Variants in CHRM3 observed in about 807,000 individuals in gnomAD.
The protein encoded by CHRM3 is cholinergic receptor muscarinic 3, also known as muscarinic acetylcholine receptor M3.
Under a neutral mutation model 41.8 loss-of-function variants are expected in CHRM3, and 11 were observed. That is an observed-to-expected ratio of 0.26 (90% CI 0.17 to 0.44). The LOEUF (loss-of-function observed/expected upper bound fraction) is 0.44. Among genes scored for constraint, CHRM3 ranks in the 20% least tolerant of loss-of-function variants. The probability of loss-of-function intolerance (pLI) is 1.00; values close to 1 mark genes in which losing one functional copy is unlikely to be tolerated. For synonymous variants in CHRM3, 297 were observed against 301.4 expected (o/e 0.99, Z 0.15); for missense variants, 571 against 745.4 (o/e 0.77, Z 2.72).
rs114107721 is a variant in CHRM3 at position 239,864,796 on chromosome 1, A to G, written c.-20+37418A>G. On this transcript the variant is annotated intron_variant, in intron 6 of 6. Transcript: ENST00000676153. ...TTCTCTACCTATAGAATCGTGTGTA[A>G]ATTAAACTATTTTGAGATATCACTT... 9.8e-3 allele frequency among the ~76,000 whole-genome samples: 1,499 copies of G among 152,214 alleles called. 34 individuals carry two copies. The highest frequency in any genetic ancestry group is 0.035 in the African/African-American group (1,441 of 41,552).
At chr1:239,489,710 CT>C (rs1247556803) in intron 1 of CHRM3, among the ~76,000 whole-genome samples, 1 of 152,098 alleles carries the variant, frequency 6.6e-6, no homozygotes, top group Non-Finnish European at 1.5e-5. Flanking sequence ...CCAAAAATAA[CT>C]TGCAATTAGG....
chr1:239,799,363 C>T (rs1306013397), intron 5 of CHRM3, among the ~76,000 whole-genome samples: 4 of 152,082 alleles, frequency 2.6e-5, no homozygotes, highest in Admixed American at 2.6e-4. Context: ...AGGACCAATG[C>T]ATCATAAATG....
rs187562096 is a variant in CHRM3, at chr1:239,414,335, A to T, written c.-521+27108A>T. ...TGAGTGACACAAATGGCCTACTTAA[A>T]AAAAAGTTGTTAATCTCTTCCTCAG... is the stretch of plus-strand genomic sequence containing the variant. On this transcript the variant is annotated intron_variant, in intron 1 of 6. Transcript: ENST00000676153. Among the ~76,000 whole-genome samples, 5 of 152,276 alleles carry T rather than the reference A, an allele frequency of 3.3e-5. No individual in the cohort carries two copies. The East Asian group carries it at 9.6e-4, about 29-fold the overall frequency.
chr1:239,637,873 A>C, intron 4 of CHRM3, among the ~76,000 whole-genome samples: 1 of 148,096 alleles, frequency 6.8e-6, no homozygotes, highest in Non-Finnish European at 1.5e-5. Flanking sequence ...TTAACTCGTC[A>C]TTTAGCATTA....
intron 6 of CHRM3, among the ~76,000 whole-genome samples, chr1:239,881,692 A>T (rs913956422): frequency 6.6e-6 from 1 of 152,130 alleles, no homozygotes; most frequent in Non-Finnish European, 1.5e-5. Context: ...ATTTAAAGTA[A>T]GTTCTTTGAG....
At chr1:239,770,034 T>C (rs528887578) in intron 5 of CHRM3, among the ~76,000 whole-genome samples, 1 of 152,328 alleles carries the variant, frequency 6.6e-6, no homozygotes, top group Non-Finnish European at 1.5e-5. Context: ...TTACCTCATT[T>C]TCAAGTACTT....
At chr1:239,507,169 G>A (rs1023222395) in intron 2 of CHRM3, among the ~76,000 whole-genome samples, 3 of 152,234 alleles carry the variant, frequency 2.0e-5, no homozygotes, top group South Asian at 2.1e-4. Context: ...GGCATGATTG[G>A]TTTCGAAATG....
At chr1:239,521,753 A>C (rs1351631407) in intron 2 of CHRM3, among the ~76,000 whole-genome samples, 1 of 152,178 alleles carries the variant, frequency 6.6e-6, no homozygotes, top group South Asian at 2.1e-4. Flanking sequence ...AGTATACTAA[A>C]AAAAACCGCA....
At chr1:239,574,336 C>A (rs991197891) in intron 3 of CHRM3, among the ~76,000 whole-genome samples, 1 of 152,062 alleles carries the variant, frequency 6.6e-6, no homozygotes, top group Non-Finnish European at 1.5e-5. Flanking sequence ...TCCTCTCCTT[C>A]TTTCTGTCTT....
intron 5 of CHRM3, among the ~76,000 whole-genome samples, chr1:239,797,258 CTGTT>C (rs1436944293): frequency 6.6e-6 from 1 of 152,182 alleles, no homozygotes; most frequent in Non-Finnish European, 1.5e-5. Flanking sequence ...TATATGTTCA[CTGTT>C]TGGGCAATGA....
chr1:239,572,896 T>C (rs67978876), intron 3 of CHRM3, among the ~76,000 whole-genome samples: 6,457 of 152,254 alleles, frequency 0.042, 165 homozygotes, highest in East Asian at 0.11. Context: ...GTAGTCTTCC[T>C]TTGTCTGTGA....
intron 3 of CHRM3, among the ~76,000 whole-genome samples, chr1:239,604,814 G>A (rs1310274208): frequency 6.6e-6 from 1 of 152,154 alleles, no homozygotes; most frequent in East Asian, 1.9e-4. Flanking sequence ...AAAGAAGCGT[G>A]CTAACTGATA....
chr1:239,752,729 A>C (rs1011818876), intron 5 of CHRM3, among the ~76,000 whole-genome samples: 2 of 152,210 alleles, frequency 1.3e-5, no homozygotes, highest in Admixed American at 1.3e-4. Flanking sequence ...AAAAACAGAT[A>C]GAATAGTTTA....
At chr1:239,466,169 ATT>A (rs2147910046) in intron 1 of CHRM3, among the ~76,000 whole-genome samples, 1 of 151,640 alleles carries the variant, frequency 6.6e-6, no homozygotes, top group South Asian at 2.1e-4. Flanking sequence ...AATTTTTTGT[ATT>A]TTTAGTAGAG....
chr1:239,460,994 TG>T (rs1665313595), intron 1 of CHRM3, among the ~76,000 whole-genome samples: 1 of 152,196 alleles, frequency 6.6e-6, no homozygotes, highest in Non-Finnish European at 1.5e-5. Flanking sequence ...TTTCTTAAAA[TG>T]GCCTCCATTG....
chr1:239,769,512 G>A (rs1667487767), intron 5 of CHRM3, among the ~76,000 whole-genome samples: 1 of 152,226 alleles, frequency 6.6e-6, no homozygotes, highest in African/African-American at 2.4e-5. Flanking sequence ...GTTCCCAAAA[G>A]AGTCGTGACA....
intron 3 of CHRM3, among the ~76,000 whole-genome samples, chr1:239,554,814 C>A (rs1306370132): frequency 6.7e-6 from 1 of 149,620 alleles, no homozygotes; most frequent in African/African-American, 2.5e-5. Flanking sequence ...ACTGCAACCT[C>A]CACCTACCAT....
At chr1:239,403,520 G>T (rs1660156278) in intron 1 of CHRM3, among the ~76,000 whole-genome samples, 1 of 152,124 alleles carries the variant, frequency 6.6e-6, no homozygotes. Flanking sequence ...AACTTCCCTT[G>T]CCTGGAGCAT....
At chr1:239,460,314 T>TC (rs1273532364) in intron 1 of CHRM3, among the ~76,000 whole-genome samples, 4 of 152,130 alleles carry the variant, frequency 2.6e-5, no homozygotes, top group South Asian at 4.2e-4. Flanking sequence ...CTATTTTTTT[T>TC]CCCCCATCAT....
Sources: gnomAD v4.1 joint callset for allele counts (sites outside exome capture counted in the v4.1 genomes callset) on GRCh38, gnomAD v4.1.1 for gene constraint, MANE v1.5 for transcripts, NCBI Gene and HGNC (gene_info 2026-07-23, HGNC 2026-07-21) for gene names.